Variants in ARHGAP15 observed in about 807,000 individuals in gnomAD.
ARHGAP15 encodes the protein Rho GTPase activating protein 15.
A neutral mutation model predicts 63.7 loss-of-function variants in ARHGAP15; 51 were observed. That is an observed-to-expected ratio of 0.80 (90% CI 0.64 to 1.01). The LOEUF (loss-of-function observed/expected upper bound fraction) is 1.01, where lower values mean the gene tolerates loss of function less well. Among genes scored for constraint, ARHGAP15 ranks in the 50% least tolerant of loss-of-function variants. ARHGAP15 has a pLI of 0.00. For synonymous variants in ARHGAP15, 191 were observed against 193.8 expected (o/e 0.99, Z 0.12); for missense variants, 560 against 564.6 (o/e 0.99, Z 0.08).
chr2:143,177,782 T>C (rs1691066217), intron 2 of ARHGAP15, among the ~76,000 whole-genome samples: 2 of 152,350 alleles, frequency 1.3e-5, no homozygotes, highest in African/African-American at 2.4e-5. Context: ...AGAGATTTCC[T>C]GCTGTCTTCT....
At chr2:143,537,597 G>A (rs541924869) in intron 10 of ARHGAP15, among the ~76,000 whole-genome samples, 1 of 152,248 alleles carries the variant, frequency 6.6e-6, no homozygotes, top group East Asian at 1.9e-4. Context: ...TCCTACATAT[G>A]GCTAGCCAGT....
rs551124247 is a variant in ARHGAP15, at chr2:143,228,841, G to A, written c.384+173G>A. Among the ~76,000 whole-genome samples, 141 of 152,270 alleles carry A rather than the reference G, an allele frequency of 9.3e-4. 3 individuals are homozygous for A. In the South Asian group the frequency reaches 0.028, roughly 31 times the overall value. On this transcript the variant is annotated intron_variant, in intron 5 of 13. Transcript: ENST00000295095. Reference sequence around the variant, plus strand: ...AGATGAAGGGAAAATAGAACTTAGTGTCTGTTTTATTAAGTGGTGCATTTG... The same window carrying A: ...AGATGAAGGGAAAATAGAACTTAGTATCTGTTTTATTAAGTGGTGCATTTG...
intron 6 of ARHGAP15, among the ~76,000 whole-genome samples, chr2:143,432,047 G>C (rs1689411705): frequency 6.6e-6 from 1 of 151,836 alleles, no homozygotes; most frequent in South Asian, 2.1e-4. Flanking sequence ...CATTATTTCT[G>C]TTTGGTTATT....
In ARHGAP15 at chr2:143,262,156, C is replaced by T. The variant is rs1680754705; in HGVS notation, c.474+11556C>T. Among the ~76,000 whole-genome samples, 3 of 152,106 alleles carry T rather than the reference C, an allele frequency of 2.0e-5. No homozygotes were observed. The South Asian group carries it at 6.2e-4, about 32-fold the overall frequency. ...AGTTGAAGTCCACACAGAACTGTTG[C>T]ACCAGCTGCAGCTGTAGTGACACCC... is the stretch of plus-strand genomic sequence containing the variant. On this transcript the variant is annotated intron_variant, in intron 6 of 13. Transcript: ENST00000295095.
chr2:143,224,761 T>C (rs1363549667), intron 4 of ARHGAP15, among the ~76,000 whole-genome samples: 1 of 152,178 alleles, frequency 6.6e-6, no homozygotes, highest in Non-Finnish European at 1.5e-5. Context: ...GAGCTGACAA[T>C]GCCTTACGAG....
At chr2:143,448,118 T>C (rs940685231) in intron 8 of ARHGAP15, among the ~76,000 whole-genome samples, 1 of 152,084 alleles carries the variant, frequency 6.6e-6, no homozygotes, top group African/African-American at 2.4e-5. Context: ...GAGAAGAGCA[T>C]GGATAGACTT....
intron 6 of ARHGAP15, among the ~76,000 whole-genome samples, chr2:143,273,612 A>G (rs1356529467): frequency 2.6e-5 from 4 of 152,158 alleles, no homozygotes; most frequent in Admixed American, 2.0e-4. Flanking sequence ...ATCATAATGC[A>G]TGTCCTTATG....
intron 13 of ARHGAP15, among the ~76,000 whole-genome samples, chr2:143,708,582 C>A (rs1684434232): frequency 6.6e-6 from 1 of 152,108 alleles, no homozygotes; most frequent in Admixed American, 6.6e-5. Flanking sequence ...GTCTCAGACA[C>A]CCTGTCAGCC....
chr2:143,605,697 G>A (rs559605910), intron 11 of ARHGAP15, among the ~76,000 whole-genome samples: 2 of 151,634 alleles, frequency 1.3e-5, no homozygotes, highest in Admixed American at 1.3e-4. Context: ...ATGGGCCACA[G>A]GGAGCCAATT....
intron 1 of ARHGAP15, among the ~76,000 whole-genome samples, chr2:143,154,185 T>C (rs983218924): frequency 1.3e-5 from 2 of 151,838 alleles, no homozygotes; most frequent in African/African-American, 4.8e-5. Context: ...TTAATGGCTA[T>C]TTTATAGGAG....
intron 6 of ARHGAP15, among the ~76,000 whole-genome samples, chr2:143,281,451 G>A (rs1681845416): frequency 6.6e-6 from 1 of 152,102 alleles, no homozygotes; most frequent in East Asian, 1.9e-4. Flanking sequence ...TTGTTAGGAT[G>A]TTTTTGCAAT....
At chr2:143,727,902 G>A (rs1388302743) in intron 13 of ARHGAP15, among the ~76,000 whole-genome samples, 6 of 152,116 alleles carry the variant, frequency 3.9e-5, no homozygotes, top group South Asian at 2.1e-4. Flanking sequence ...CACAGGTTAC[G>A]TTTGTTTTAT....
chr2:143,691,534 G>T (rs1023553054), intron 12 of ARHGAP15, among the ~76,000 whole-genome samples: 1 of 152,112 alleles, frequency 6.6e-6, no homozygotes, highest in African/African-American at 2.4e-5. Context: ...TGTAAAAAAT[G>T]GCTATTATTG....
intron 8 of ARHGAP15, among the ~76,000 whole-genome samples, chr2:143,461,302 A>AAC (rs1690928117): frequency 6.6e-6 from 1 of 150,940 alleles, no homozygotes; most frequent in Admixed American, 6.6e-5. Flanking sequence ...AAAAAAAAAA[A>AAC]AAAACAGAAC....
chr2:143,536,407 TA>T (rs1559035010), intron 10 of ARHGAP15, among the ~76,000 whole-genome samples: 3 of 152,100 alleles, frequency 2.0e-5, no homozygotes, highest in Non-Finnish European at 4.4e-5. Context: ...AGTTTTAGGG[TA>T]CATGTGCACA....
chr2:143,430,042 A>G (rs1023865562), intron 6 of ARHGAP15, among the ~76,000 whole-genome samples: 2 of 152,118 alleles, frequency 1.3e-5, no homozygotes, highest in Non-Finnish European at 2.9e-5. Flanking sequence ...TCCTCATACA[A>G]CTTTTGAAGA....
At chr2:143,623,137 A>G (rs1698704796) in intron 11 of ARHGAP15, among the ~76,000 whole-genome samples, 1 of 152,216 alleles carries the variant, frequency 6.6e-6, no homozygotes, top group Non-Finnish European at 1.5e-5. Context: ...CACGTTTAGA[A>G]AGACAAATCG....
intron 2 of ARHGAP15, among the ~76,000 whole-genome samples, chr2:143,188,915 T>C (rs549735355): frequency 6.6e-6 from 1 of 151,674 alleles, no homozygotes; most frequent in African/African-American, 2.4e-5. Context: ...TGAGCCACCG[T>C]GCCGGCCCCT....
chr2:143,162,083 T>C (rs1690320205), intron 2 of ARHGAP15: 1 of 151,934 alleles, frequency 6.6e-6, no homozygotes, highest in African/African-American at 2.4e-5. Flanking sequence ...TGTATTTAGG[T>C]TGCTGAAAGT....
Sources: gnomAD v4.1 joint callset for allele counts (sites outside exome capture counted in the v4.1 genomes callset) on GRCh38, gnomAD v4.1.1 for gene constraint, MANE v1.5 for transcripts, NCBI Gene and HGNC (gene_info 2026-07-23, HGNC 2026-07-21) for gene names.